Variants in TEKT1 observed in about 807,000 individuals in gnomAD.
TEKT1 encodes tektin 1, also known as tektin-1.
TEKT1 carries 32 observed loss-of-function variants against 34.8 expected under a neutral mutation model. The observed-to-expected ratio is 0.92, with a 90% CI of 0.69 to 1.23. TEKT1 has a LOEUF of 1.23. TEKT1 is among the 50% of genes most tolerant of loss of function. The pLI is 0.00. For missense variants in TEKT1, 492 were observed against 518.5 expected (o/e 0.95, Z 0.50); for synonymous variants, 207 against 199.8 (o/e 1.04, Z -0.30).
intron 2 of TEKT1, among the ~76,000 whole-genome samples, chr17:6,820,318 G>T (rs768253976): frequency 7.3e-5 from 11 of 151,536 alleles, no homozygotes; most frequent in Non-Finnish European, 1.6e-4. Context: ...GATAATTAAA[G>T]GCAGATTTAT....
intron 1 of TEKT1, among the ~76,000 whole-genome samples, chr17:6,830,941 T>A (rs75349452): frequency 0.013 from 1,904 of 152,256 alleles, 31 homozygotes; most frequent in African/African-American, 0.043. Flanking sequence ...ATTAGAATTG[T>A]TGGGTCATGG....
chr17:6,816,282 G>A (rs1977007637), intron 3 of TEKT1, among the ~76,000 whole-genome samples: 2 of 152,026 alleles, frequency 1.3e-5, no homozygotes, highest in South Asian at 4.2e-4. Context: ...TGCACAACGT[G>A]CAGGTTTGAT....
At chr17:6,817,414 A>G (rs1243356394) in intron 3 of TEKT1, among the ~76,000 whole-genome samples, 2 of 152,152 alleles carry the variant, frequency 1.3e-5, no homozygotes, top group African/African-American at 2.4e-5. Context: ...AATAATAACT[A>G]TTAATAATAA....
At chr17:6,830,448 G>T in intron 1 of TEKT1, 55 bp from the exon 2 acceptor site, 1 of 1,219,944 alleles carries the variant, frequency 8.2e-7, no homozygotes, top group Non-Finnish European at 1.1e-6. Context: ...CCTTTTTTAT[G>T]ATAATTTTTA....
Position 6,818,436 on chromosome 17 carries a change from AG to A in TEKT1, c.356+756del, listed in dbSNP as rs1461981322. Among the ~76,000 whole-genome samples, 7 of 150,244 alleles carry A rather than the reference AG, an allele frequency of 4.7e-5. No individual in the cohort carries two copies. The East Asian group carries it at 1.2e-3, about 25-fold the overall frequency. On this transcript the variant is annotated intron_variant, in intron 3 of 7. Coordinates refer to ENST00000338694, the MANE Select transcript of TEKT1 (RefSeq NM_053285.2). ...TCATTCTATTCACTGGATTTATAGGAGGGAAATAATAATAAAAAGCACTATG... is the reference window on the plus strand; with the variant it reads ...TCATTCTATTCACTGGATTTATAGGAGGAAATAATAATAAAAAGCACTATG...
At chr17:6,822,452 C>T (rs549137723) in intron 2 of TEKT1, among the ~76,000 whole-genome samples, 4 of 152,130 alleles carry the variant, frequency 2.6e-5, no homozygotes, top group Non-Finnish European at 4.4e-5. Flanking sequence ...TCTCTATGCT[C>T]TTTCTGAAAC....
chr17:6,804,954 G>C (rs965801924), intron 6 of TEKT1, among the ~76,000 whole-genome samples: 4 of 152,132 alleles, frequency 2.6e-5, no homozygotes, highest in Non-Finnish European at 5.9e-5. Flanking sequence ...CCTGGCTTTG[G>C]TATCAGGATG....
At position 6,798,486 on chromosome 17, in the gene TEKT1, A is replaced by G. The variant is rs1976724042; in HGVS notation, c.*1541T>C. The G allele has an allele frequency of 6.6e-6, 1 of 152,244 alleles. No individual in the cohort carries two copies. The highest frequency in any genetic ancestry group is 2.1e-4 in the South Asian group (1 of 4,832). The allele number at this position is 152,244 out of a possible 1,614,324, so 9.4% of individuals were successfully genotyped here. ...TGGACTCTTCCGAGCCAGAGCAGAA[A>G]AGCACCCAGAGGCTTCCCAGTGAGC... is the stretch of plus-strand genomic sequence containing the variant. On this transcript the variant is annotated 3_prime_UTR_variant, in exon 8 of 8. Transcript: ENST00000338694.
chr17:6,822,120 G>C (rs970562022), intron 2 of TEKT1, among the ~76,000 whole-genome samples: 2 of 152,106 alleles, frequency 1.3e-5, no homozygotes, highest in Admixed American at 6.6e-5. Flanking sequence ...CCTGGGCCAG[G>C]CCTAGGGCCC....
At chr17:6,815,739 C>T in intron 4 of TEKT1, 95 bp downstream of exon 4, 1 of 1,549,988 alleles carries the variant, frequency 6.5e-7, no homozygotes, top group Non-Finnish European at 8.7e-7. Context: ...ATGTTGAACC[C>T]CTTTCTTTCT....
intron 5 of TEKT1, among the ~76,000 whole-genome samples, chr17:6,814,666 A>G (rs918741106): frequency 3.9e-5 from 6 of 152,246 alleles, no homozygotes; most frequent in African/African-American, 1.2e-4. Context: ...GTGAAACCCC[A>G]TCTCTACTAA....
chr17:6,830,445 TATG>T lies in TEKT1; in HGVS notation c.-17-55_-17-53del, dbSNP rs1904546043. ...TAAATGAAAGCAATTTGTCCTTTTT[TATG>T]ATAATTTTTATTCAAGGATGACATA... On this transcript the variant is annotated intron_variant, in intron 1 of 7. Coordinates refer to ENST00000338694, the MANE Select transcript of TEKT1 (RefSeq NM_053285.2). 9 of 1,246,156 alleles carry T rather than the reference TATG, an allele frequency of 7.2e-6. No homozygotes were observed. The East Asian group carries it at 2.1e-4, about 28-fold the overall frequency. The allele number at this position is 1,246,156 out of a possible 1,614,324, so 77.2% of individuals were successfully genotyped here. A position where few individuals can be genotyped will look rare whatever the true frequency, so the allele number is the denominator to read the frequency against.
rs528855560 is a variant in TEKT1, at chr17:6,800,042, A to C, written c.1242T>G (p.Pro414=). 10 of 1,608,772 alleles carry C rather than the reference A, an allele frequency of 6.2e-6. No individual in the cohort carries two copies. In the East Asian group the frequency reaches 2.0e-4, roughly 32 times the overall value. The change falls in exon 8 of 8, where the codon CCT becomes CCG. Residue 414 remains proline, a synonymous_variant. Transcript: ENST00000338694. Reference sequence around the variant, plus strand: ...AGCCCTACTATTAGCAGACAGCATCAGGGCGGAGGCCCCCAGCCCAGACCC... The same window carrying C: ...AGCCCTACTATTAGCAGACAGCATCCGGGCGGAGGCCCCCAGCCCAGACCC... The part of the protein sequence containing the change: ...DHGVWAGGLR[P]DAVC
At chr17:6,800,621 G>A (rs1423500396) in intron 7 of TEKT1, 126 bp downstream of exon 7, 30 of 1,190,116 alleles carry the variant, frequency 2.5e-5, no homozygotes, top group Non-Finnish European at 3.3e-5. Context: ...CCCTCTAGGG[G>A]GCATTCCTCA....
Position 6,803,207 on chromosome 17 carries a change from C to G in TEKT1, c.853-2264G>C, listed in dbSNP as rs1976799806. Among the ~76,000 whole-genome samples the G allele has an allele frequency of 2.6e-5, 4 of 152,136 alleles. No homozygotes were observed. The South Asian group carries it at 8.3e-4, about 32-fold the overall frequency. Reference sequence around the variant, plus strand: ...TTTTGATTTGCATTTCTCTGATGGCCAGTGATGACGAGCATTTTTTCGTGT... The same window carrying G: ...TTTTGATTTGCATTTCTCTGATGGCGAGTGATGACGAGCATTTTTTCGTGT... On this transcript the variant is annotated intron_variant, in intron 6 of 7. Coordinates refer to ENST00000338694, the MANE Select transcript of TEKT1 (RefSeq NM_053285.2).
rs1567675277 is a variant in TEKT1 at position 6,798,766 on chromosome 17, G to T, written c.*1261C>A. ...GGCCCACACTCTGCATTATCATTGT[G>T]CCCTATGACACCGTATGTGCAGCTA... On this transcript the variant is annotated 3_prime_UTR_variant, in exon 8 of 8. Transcript: ENST00000338694. 6.6e-6 allele frequency: 1 copy of T among 152,244 alleles called. No homozygotes were observed. The highest frequency in any genetic ancestry group is 1.5e-5 in the Non-Finnish European group (1 of 68,088). 9.4% of individuals were successfully genotyped at this position (152,244 alleles called of 1,614,324 possible). A position where few individuals can be genotyped will look rare whatever the true frequency, so the allele number is the denominator to read the frequency against.
Position 6,800,812 on chromosome 17 carries a change from CA to C in TEKT1, c.983del (p.Leu328ArgfsTer10). 1 of 1,614,178 alleles carries C rather than the reference CA, an allele frequency of 6.2e-7. No homozygotes were observed. Among genetic ancestry groups the C allele is most frequent in the South Asian group, 1.1e-5 (1 of 91,074 alleles). ...GCCTATATTGTGCGACATCACGACA[CA>C]GCTCCACGTTCGGCCGGTGTGTCCT... ...ETRTHRPNVE[L>X]CRDVAQYRLM... On this transcript the variant is annotated frameshift_variant, in exon 7 of 8. Coordinates refer to ENST00000338694, the MANE Select transcript of TEKT1 (RefSeq NM_053285.2). LOFTEE classifies it high-confidence loss of function.
At chr17:6,806,092 G>A (rs1356749938) in intron 6 of TEKT1, among the ~76,000 whole-genome samples, 1 of 152,162 alleles carries the variant, frequency 6.6e-6, no homozygotes, top group Non-Finnish European at 1.5e-5. Context: ...TTATTATTGT[G>A]TGGGAGTCTA....
chr17:6,822,448 T>C (rs1977106001), intron 2 of TEKT1, among the ~76,000 whole-genome samples: 5 of 152,190 alleles, frequency 3.3e-5, no homozygotes. Flanking sequence ...ATTTTCTCTA[T>C]GCTCTTTCTG....
Sources: allele counts gnomAD v4.1 joint callset (sites outside exome capture counted in the v4.1 genomes callset), GRCh38; gene constraint gnomAD v4.1.1; transcripts MANE v1.5; gene names NCBI Gene and HGNC (gene_info 2026-07-23, HGNC 2026-07-21).